TMEM178B: variants seen among roughly 807,000 people sequenced by gnomAD.
TMEM178B encodes transmembrane protein 178B.
A neutral mutation model predicts 31.0 loss-of-function variants in TMEM178B; 5 were observed. The observed-to-expected ratio is 0.16, with a 90% CI of 0.08 to 0.34. The LOEUF (loss-of-function observed/expected upper bound fraction) is 0.34. Among genes scored for constraint, TMEM178B ranks in the 10% least tolerant of loss-of-function variants. The pLI is 1.00. For synonymous variants in TMEM178B, 164 were observed against 164.0 expected (o/e 1.00, Z 0.00); for missense variants, 275 against 400.3 (o/e 0.69, Z 2.67).
In TMEM178B at chr7:141,422,043, C is replaced by T. The variant is rs1801220037; in HGVS notation, c.497-15565C>T. ...ATTAATATTTAGTTTACATCTTCTC[C>T]CTTTCCCAGCTCGGGCTTGACATTT... On this transcript the variant is annotated intron_variant, in intron 2 of 3. Coordinates refer to ENST00000565468, the MANE Select transcript of TMEM178B (RefSeq NM_001195278.2). The surrounding 1 kb of genome is among the most constrained non-coding windows in gnomAD (Gnocchi z 4.2). Among the ~76,000 whole-genome samples the T allele has an allele frequency of 6.6e-6, 1 of 152,132 alleles. No individual in the cohort carries two copies. Among genetic ancestry groups the T allele is most frequent in the South Asian group, 2.1e-4 (1 of 4,808 alleles).
chr7:141,446,491 A>G (rs1201086027), intron 3 of TMEM178B, among the ~76,000 whole-genome samples: 2 of 152,194 alleles, frequency 1.3e-5, no homozygotes, highest in East Asian at 3.8e-4. Context: ...TGGTTGGTGA[A>G]GGCATCTCAG....
intron 3 of TMEM178B, among the ~76,000 whole-genome samples, chr7:141,456,971 G>A (rs377040212): frequency 3.9e-5 from 6 of 152,234 alleles, no homozygotes; most frequent in Admixed American, 3.3e-4. Flanking sequence ...AAGCTGCAAA[G>A]ATTCACTTGG....
intron 1 of TMEM178B, among the ~76,000 whole-genome samples, chr7:141,169,971 A>G (rs751533653): frequency 5.9e-5 from 9 of 152,210 alleles, no homozygotes; most frequent in Admixed American, 2.0e-4. Context: ...TTTTTCTTCA[A>G]TCTTATGCAA....
intron 2 of TMEM178B, among the ~76,000 whole-genome samples, chr7:141,275,361 A>T (rs116981308): frequency 6.6e-6 from 1 of 152,236 alleles, no homozygotes; most frequent in African/African-American, 2.4e-5. Flanking sequence ...TGCAGTTTTT[A>T]TGAATGTATA....
At chr7:141,467,504 T>C (rs1390889320) in intron 3 of TMEM178B, among the ~76,000 whole-genome samples, 1 of 152,118 alleles carries the variant, frequency 6.6e-6, no homozygotes, top group Non-Finnish European at 1.5e-5. Flanking sequence ...CATTCGGAGC[T>C]CCCAGCTCTG....
intron 1 of TMEM178B, among the ~76,000 whole-genome samples, chr7:141,086,303 G>A (rs1794786885): frequency 6.6e-6 from 1 of 152,104 alleles, no homozygotes; most frequent in South Asian, 2.1e-4. Flanking sequence ...AAAGTGCTAG[G>A]ATTACAGGCA....
At chr7:141,275,796 A>G (rs1033093559) in intron 2 of TMEM178B, among the ~76,000 whole-genome samples, 2 of 152,210 alleles carry the variant, frequency 1.3e-5, no homozygotes, top group Non-Finnish European at 2.9e-5. Context: ...TACAGAATTC[A>G]TTATCACTTA....
intron 2 of TMEM178B, among the ~76,000 whole-genome samples, chr7:141,319,322 C>T (rs1799057014): frequency 6.6e-6 from 1 of 152,246 alleles, no homozygotes; most frequent in African/African-American, 2.4e-5. Context: ...GTGTTCCCTC[C>T]TGCCTTCAAC....
At chr7:141,119,208 C>A (rs1423540867) in intron 1 of TMEM178B, among the ~76,000 whole-genome samples, 1 of 152,204 alleles carries the variant, frequency 6.6e-6, no homozygotes, top group Non-Finnish European at 1.5e-5. Context: ...CAGCCTGACC[C>A]ATGAGGGTGC....
chr7:141,262,617 A>G (rs1586857250), intron 2 of TMEM178B, among the ~76,000 whole-genome samples: 1 of 151,946 alleles, frequency 6.6e-6, no homozygotes, highest in African/African-American at 2.4e-5. Context: ...AATTTGCTAC[A>G]GTATCCAGGG....
chr7:141,075,489 A>T (rs952084903), intron 1 of TMEM178B, among the ~76,000 whole-genome samples: 1 of 152,266 alleles, frequency 6.6e-6, no homozygotes. Flanking sequence ...AATTTATTTG[A>T]TACTTTAATA....
chr7:141,470,513 G>T, intron 3 of TMEM178B, 23 bp from the exon 4 acceptor site: 3 of 1,476,090 alleles, frequency 2.0e-6, no homozygotes, highest in Non-Finnish European at 2.7e-6. Context: ...TCCCCATCCT[G>T]TGTCTTTTCC....
intron 1 of TMEM178B, among the ~76,000 whole-genome samples, chr7:141,194,751 T>C (rs989592293): frequency 6.6e-6 from 1 of 152,158 alleles, no homozygotes; most frequent in Non-Finnish European, 1.5e-5. Context: ...CACATTTCCC[T>C]TACACACTGC....
In TMEM178B at chr7:141,461,190, T is replaced by C. The variant is rs1219529778; in HGVS notation, c.635-9346T>C. 6.6e-6 allele frequency among the ~76,000 whole-genome samples: 1 copy of C among 152,172 alleles called. No individual in the cohort carries two copies. Among genetic ancestry groups the C allele is most frequent in the East Asian group, 1.9e-4 (1 of 5,184 alleles). Reference sequence around the variant, plus strand: ...ATTGGAGAGGGAATAGAGGGAGGTGTCTCATGGAGGACTTGGCTGCTTCTT... The same window carrying C: ...ATTGGAGAGGGAATAGAGGGAGGTGCCTCATGGAGGACTTGGCTGCTTCTT... On this transcript the variant is annotated intron_variant, in intron 3 of 3. Transcript: ENST00000565468. This position sits in a 1 kb window ranked among gnomAD's most constrained non-coding sequence, Gnocchi z 4.0.
chr7:141,438,208 C>G (rs7783437), intron 3 of TMEM178B, among the ~76,000 whole-genome samples: 79,039 of 151,966 alleles, frequency 0.52, 21,371 homozygotes, highest in Middle Eastern at 0.62. Flanking sequence ...AGCTGCCCCC[C>G]TTTCAAGTAA....
intron 2 of TMEM178B, among the ~76,000 whole-genome samples, chr7:141,300,296 C>A (rs1798702026): frequency 6.6e-6 from 1 of 152,210 alleles, no homozygotes; most frequent in Admixed American, 6.5e-5. Flanking sequence ...GGGATGGCAA[C>A]TGGCCCCATT....
At chr7:141,233,760 T>A (rs1586840416) in intron 2 of TMEM178B, among the ~76,000 whole-genome samples, 4 of 152,168 alleles carry the variant, frequency 2.6e-5, no homozygotes. Flanking sequence ...AAAATGTACT[T>A]CTCCCTTTTG....
intron 2 of TMEM178B, among the ~76,000 whole-genome samples, chr7:141,328,783 C>T (rs1350333557): frequency 1.3e-5 from 2 of 152,152 alleles, no homozygotes; most frequent in Non-Finnish European, 2.9e-5. Flanking sequence ...ATTTTCTTTT[C>T]CTATAATGAA....
At chr7:141,352,628 C>A (rs1280880168) in intron 2 of TMEM178B, 1 of 152,466 alleles carries the variant, frequency 6.6e-6, no homozygotes, top group African/African-American at 2.4e-5. Context: ...GATCCACCCG[C>A]CTCGGCCTCC....
Sources: allele counts gnomAD v4.1 joint callset (sites outside exome capture counted in the v4.1 genomes callset), GRCh38; gene constraint gnomAD v4.1.1; non-coding constraint Gnocchi (gnomAD v3.1); transcripts MANE v1.5; gene names NCBI Gene and HGNC (gene_info 2026-07-23, HGNC 2026-07-21).